VSNL1: variants seen among roughly 807,000 people sequenced by gnomAD.
VSNL1 encodes the protein visinin-like protein 1.
Under a neutral mutation model 20.4 loss-of-function variants are expected in VSNL1, and 6 were observed. That is an observed-to-expected ratio of 0.29 (90% CI 0.16 to 0.58). The LOEUF is 0.58. VSNL1 is among the 20% of genes least tolerant of loss of function. VSNL1 has a pLI of 0.90. For missense variants in VSNL1, 100 were observed against 234.5 expected (o/e 0.43, Z 3.75); for synonymous variants, 93 against 86.4 (o/e 1.08, Z -0.42).
chr2:17,598,193 G>A (rs943069748), intron 2 of VSNL1, among the ~76,000 whole-genome samples: 3 of 152,134 alleles, frequency 2.0e-5, no homozygotes, highest in Admixed American at 6.5e-5. Flanking sequence ...AACCTACTAC[G>A]TGGAATAAAA....
chr2:17,622,358 C>G (rs1665380856), intron 2 of VSNL1, among the ~76,000 whole-genome samples: 1 of 151,530 alleles, frequency 6.6e-6, no homozygotes, highest in Non-Finnish European at 1.5e-5. Flanking sequence ...ATTAGCCAGG[C>G]ATGGTGGCGG....
At chr2:17,552,222 A>AAG (rs1663560142) in intron 1 of VSNL1, among the ~76,000 whole-genome samples, 1 of 151,568 alleles carries the variant, frequency 6.6e-6, no homozygotes, top group African/African-American at 2.4e-5. Flanking sequence ...ACAAAAAAAA[A>AAG]CTTAGCACGT....
intron 2 of VSNL1, among the ~76,000 whole-genome samples, chr2:17,619,688 C>G (rs772139355): frequency 6.6e-6 from 1 of 152,066 alleles, no homozygotes; most frequent in Non-Finnish European, 1.5e-5. Flanking sequence ...GTCCTGACTC[C>G]CCATCCAGGG....
intron 2 of VSNL1, among the ~76,000 whole-genome samples, chr2:17,620,643 G>T (rs1486557326): frequency 6.6e-6 from 1 of 152,176 alleles, no homozygotes; most frequent in Non-Finnish European, 1.5e-5. Context: ...GTGGGAAGGT[G>T]AGCATTATGC....
At chr2:17,606,588 T>A (rs905329330) in intron 2 of VSNL1, among the ~76,000 whole-genome samples, 1 of 152,162 alleles carries the variant, frequency 6.6e-6, no homozygotes, top group African/African-American at 2.4e-5. Context: ...AAGCCCACCA[T>A]GAGGAATTAC....
intron 1 of VSNL1, among the ~76,000 whole-genome samples, chr2:17,572,931 G>A (rs1192530259): frequency 6.6e-6 from 1 of 152,130 alleles, no homozygotes; most frequent in Non-Finnish European, 1.5e-5. Flanking sequence ...ATGAATCTCT[G>A]CTGCAATGTT....
intron 1 of VSNL1, among the ~76,000 whole-genome samples, chr2:17,546,559 T>C (rs972325078): frequency 1.3e-5 from 2 of 152,048 alleles, no homozygotes; most frequent in Non-Finnish European, 2.9e-5. Context: ...TAGTAAACGC[T>C]GGTGTTACAG....
intron 2 of VSNL1, among the ~76,000 whole-genome samples, chr2:17,617,889 G>GCACACA (rs70961501): frequency 2.1e-4 from 31 of 149,770 alleles, no homozygotes; most frequent in African/African-American, 7.3e-4. Flanking sequence ...ACATGCACGC[G>GCACACA]CACACACACA....
intron 1 of VSNL1, among the ~76,000 whole-genome samples, chr2:17,581,475 A>G (rs886409246): frequency 1.3e-5 from 2 of 152,238 alleles, no homozygotes; most frequent in African/African-American, 4.8e-5. Context: ...TTATTTAGCC[A>G]GTTTCCTGTG....
rs73220696 is a variant in VSNL1 at position 17,602,697 on chromosome 2, G to A, written c.162+10461G>A. Among the ~76,000 whole-genome samples the A allele has an allele frequency of 8.4e-3, 1,274 of 152,032 alleles. 15 individuals are homozygous for A. The highest frequency in any genetic ancestry group is 0.028 in the African/African-American group (1,165 of 41,442). On this transcript the variant is annotated intron_variant, in intron 2 of 3. Coordinates refer to ENST00000295156, the MANE Select transcript of VSNL1 (RefSeq NM_003385.5). Reference sequence around the variant, plus strand: ...GGCAGTTGCATTGAGCCAAGATCACGCCATTGCACCCCAAGCTGGAAGACA... The same window carrying A: ...GGCAGTTGCATTGAGCCAAGATCACACCATTGCACCCCAAGCTGGAAGACA...
chr2:17,571,243 C>A (rs1282497276), intron 1 of VSNL1, among the ~76,000 whole-genome samples: 1 of 152,164 alleles, frequency 6.6e-6, no homozygotes, highest in Non-Finnish European at 1.5e-5. Flanking sequence ...ACCACACTTT[C>A]CTTTAGGTAC....
intron 2 of VSNL1, among the ~76,000 whole-genome samples, chr2:17,612,889 A>T (rs1665124251): frequency 6.6e-6 from 1 of 152,190 alleles, no homozygotes; most frequent in African/African-American, 2.4e-5. Flanking sequence ...CCCAGGGCTC[A>T]GTCCCCAGTT....
chr2:17,580,021 C>T (rs114815828), intron 1 of VSNL1, among the ~76,000 whole-genome samples: 360 of 152,296 alleles, frequency 2.4e-3, no homozygotes, highest in African/African-American at 8.3e-3. Flanking sequence ...TCAGAATCTG[C>T]TATGTCACCA....
At chr2:17,581,742 A>G (rs943917198) in intron 1 of VSNL1, among the ~76,000 whole-genome samples, 1 of 152,116 alleles carries the variant, frequency 6.6e-6, no homozygotes, top group African/African-American at 2.4e-5. Context: ...TAGTACAGTC[A>G]TCTTTAAGCT....
At chr2:17,553,109 A>G (rs1434844716) in intron 1 of VSNL1, among the ~76,000 whole-genome samples, 1 of 152,178 alleles carries the variant, frequency 6.6e-6, no homozygotes, top group Non-Finnish European at 1.5e-5. Context: ...AAGAAAAAGG[A>G]AAAATGGAAT....
chr2:17,559,910 C>A (rs1663774044), intron 1 of VSNL1, among the ~76,000 whole-genome samples: 2 of 151,720 alleles, frequency 1.3e-5, no homozygotes, highest in African/African-American at 4.8e-5. Context: ...ACATCTTTTG[C>A]TGATTATATA....
intron 2 of VSNL1, among the ~76,000 whole-genome samples, chr2:17,633,891 A>G (rs556309607): frequency 6.6e-6 from 1 of 152,324 alleles, no homozygotes; most frequent in South Asian, 2.1e-4. Flanking sequence ...GCTGAGTGAT[A>G]AAGGACTAAC....
intron 2 of VSNL1, among the ~76,000 whole-genome samples, chr2:17,639,048 C>T (rs1414775325): frequency 1.3e-5 from 2 of 152,278 alleles, no homozygotes; most frequent in East Asian, 3.9e-4. Flanking sequence ...CCAAATAAGC[C>T]CTCCCAGATT....
chr2:17,655,538 T>G lies in VSNL1; in HGVS notation c.*144T>G. The stretch of plus-strand genomic sequence containing the variant: ...GACTACCTATAAATGGACTTGCTTC[T>G]TGTGTTTGAAACACTCGTGTGCATG... On this transcript the variant is annotated 3_prime_UTR_variant, in exon 4 of 4. Coordinates refer to ENST00000295156, the MANE Select transcript of VSNL1 (RefSeq NM_003385.5). The surrounding 1 kb of genome is among the most constrained non-coding windows in gnomAD (Gnocchi z 5.2). The G allele has an allele frequency of 1.3e-6, 1 of 776,696 alleles. No homozygotes were observed. The highest frequency in any genetic ancestry group is 2.0e-6 in the Non-Finnish European group (1 of 497,948). The allele number at this position is 776,696 out of a possible 1,614,324, so 48.1% of individuals were successfully genotyped here.
Sources: allele counts gnomAD v4.1 joint callset (sites outside exome capture counted in the v4.1 genomes callset), GRCh38; gene constraint gnomAD v4.1.1; non-coding constraint Gnocchi (gnomAD v3.1); transcripts MANE v1.5; gene names NCBI Gene and HGNC (gene_info 2026-07-23, HGNC 2026-07-21).